The following ZNF248 variants were observed in gnomAD, a reference collection of about 807,000 sequenced individuals.
The protein encoded by ZNF248 is KRAB protein domain.
In ZNF248, 20 loss-of-function variants were observed where a neutral mutation model predicts 44.3. The ratio of observed to expected loss-of-function variants is 0.45; its 90% CI spans 0.32 to 0.66. The LOEUF (loss-of-function observed/expected upper bound fraction) is 0.66, where lower values mean the gene tolerates loss of function less well. ZNF248 is among the 30% of genes least tolerant of loss of function. The pLI, the probability that ZNF248 is intolerant of heterozygous loss-of-function variation, is 0.04. For synonymous variants in ZNF248, 224 were observed against 229.0 expected, an observed-to-expected ratio of 0.98 and a Z score of 0.20; for missense variants, 654 against 677.0, an observed-to-expected ratio of 0.97 and a Z score of 0.38.
At chr10:37,760,382 C>A in the ZNF248 span, among the ~76,000 whole-genome samples, 1 of 152,118 alleles carries the variant, frequency 6.6e-6, no homozygotes, top group African/African-American at 2.4e-5. Flanking sequence ...AGGCACAAGC[C>A]ACCAGGCCCA....
chr10:37,791,061 T>TTA (rs2048488701), intron 6 of ZNF248, among the ~76,000 whole-genome samples: 1 of 124,360 alleles, frequency 8.0e-6, no homozygotes, highest in Non-Finnish European at 1.7e-5. Context: ...TTTTTTTTTT[T>TTA]TTTTTTTTTT....
chr10:37,760,881 G>T, the ZNF248 span, among the ~76,000 whole-genome samples: 1 of 152,298 alleles, frequency 6.6e-6, no homozygotes, highest in East Asian at 1.9e-4. Context: ...ATTACCTTTT[G>T]TATGAGCACA....
At chr10:37,778,825 AG>A (rs2046929571) in intron 6 of ZNF248, among the ~76,000 whole-genome samples, 1 of 152,228 alleles carries the variant, frequency 6.6e-6, no homozygotes, top group Admixed American at 6.5e-5. Context: ...AAAATGATAA[AG>A]GGGATATCAC....
intron 3 of ZNF248, among the ~76,000 whole-genome samples, chr10:37,843,646 T>C (rs932523347): frequency 6.6e-6 from 1 of 152,034 alleles, no homozygotes; most frequent in Admixed American, 6.5e-5. Flanking sequence ...TTAAATAAAT[T>C]AAGTGTCATC....
chr10:37,832,931 A>G lies in ZNF248; in HGVS notation c.424T>C (p.Ser142Pro), dbSNP rs774983271. The G allele has an allele frequency of 6.2e-6, 10 of 1,613,216 alleles. No homozygotes were observed. In the Admixed American group the frequency reaches 1.3e-4, roughly 22 times the overall value. ...LRNYPYKICDSCEMNLKNISG... is the reference protein window; with the variant it reads ...LRNYPYKICDPCEMNLKNISG... Reference sequence around the variant, plus strand: ...ATATTTTTCAAATTCATTTCACATGAGTCACATATTTTATAGGGATAATTT... The same window carrying G: ...ATATTTTTCAAATTCATTTCACATGGGTCACATATTTTATAGGGATAATTT... The change falls in exon 6 of 6, where the codon TCA becomes CCA. Residue 142 changes from serine to proline, a missense_variant. Physicochemically the swap from Ser to Pro is moderately conservative, Grantham distance 74. Transcript: ENST00000395867.
chr10:37,827,745 G>A (rs142817851), downstream of ZNF248, among the ~76,000 whole-genome samples: 1,706 of 152,296 alleles, frequency 0.011, 19 homozygotes, highest in Non-Finnish European at 0.019. Context: ...ACGGTCTCTG[G>A]TTGCCAGAAG....
chr10:37,829,006 C>A lies in ZNF248; in HGVS notation c.*2609G>T. 1 of 985,428 alleles carries A rather than the reference C, an allele frequency of 1.0e-6. No individual in the cohort carries two copies. The allele number at this position is 985,428 out of a possible 1,614,324, so 61.0% of individuals were successfully genotyped here. On this transcript the variant is annotated 3_prime_UTR_variant, in exon 6 of 6. Coordinates refer to ENST00000395867, the MANE Select transcript of ZNF248 (RefSeq NM_021045.3). ...GAATAACTTTATTTCTAACACTGAG[C>A]CTTCTACATAGGAATTTACAGAAAT...
chr10:37,830,522 T>C lies in ZNF248; in HGVS notation c.*1093A>G, dbSNP rs1225654404. 1.0e-6 allele frequency: 1 copy of C among 985,334 alleles called. No individual in the cohort carries two copies. Among genetic ancestry groups the C allele is most frequent in the African/African-American group, 1.7e-5 (1 of 57,240 alleles). The allele number at this position is 985,334 out of a possible 1,614,324, so 61.0% of individuals were successfully genotyped here. On this transcript the variant is annotated 3_prime_UTR_variant, in exon 6 of 6. Coordinates refer to ENST00000395867, the MANE Select transcript of ZNF248 (RefSeq NM_021045.3). ...TTGGCTTCTTTCTTGAAGACGTGGT[T>C]CAGCTGTAAATGGCCATAGCCATTT...
At chr10:37,811,331 A>G (rs2051454474) in intron 6 of ZNF248, among the ~76,000 whole-genome samples, 1 of 152,230 alleles carries the variant, frequency 6.6e-6, no homozygotes, top group African/African-American at 2.4e-5. Flanking sequence ...CATATTGAAA[A>G]TGCAGTTTTT....
intron 3 of ZNF248, among the ~76,000 whole-genome samples, chr10:37,853,811 T>G (rs1177739455): frequency 1.3e-5 from 2 of 151,944 alleles, no homozygotes; most frequent in Non-Finnish European, 2.9e-5. Context: ...AAATGACGAA[T>G]CTGTCACCAA....
In ZNF248 at chr10:37,829,457, C is replaced by A. The variant is rs1480597005; in HGVS notation, c.*2158G>T. 12 of 985,262 alleles carry A rather than the reference C, an allele frequency of 1.2e-5. No homozygotes were observed. Among genetic ancestry groups the A allele is most frequent in the African/African-American group, 1.7e-5 (1 of 57,234 alleles). The allele number at this position is 985,262 out of a possible 1,614,324, so 61.0% of individuals were successfully genotyped here. On this transcript the variant is annotated 3_prime_UTR_variant, in exon 6 of 6. Coordinates refer to ENST00000395867, the MANE Select transcript of ZNF248 (RefSeq NM_021045.3). Reference sequence around the variant, plus strand: ...TATTAACTTGTGAAAAGAAATAATTCTTCCCCCTAATTACCATATAGAACA... The same window carrying A: ...TATTAACTTGTGAAAAGAAATAATTATTCCCCCTAATTACCATATAGAACA...
rs540518481 is a variant in ZNF248, at chr10:37,787,312, CATAAATAA to C, written c.331-10745_331-10738del. Among the ~76,000 whole-genome samples, 61 of 151,628 alleles carry C rather than the reference CATAAATAA, an allele frequency of 4.0e-4. 2 individuals are homozygous for C. The highest frequency in any genetic ancestry group is 1.3e-3 in the African/African-American group (53 of 41,390). ...AAAAATAATAATAATAAGTAAAATA[CATAAATAA>C]ATAAATAAAGTATACTATAAAGTTA... is the stretch of plus-strand genomic sequence containing the variant. On this transcript the variant is annotated intron_variant, in intron 6 of 6. Transcript: ENST00000615949.
rs1277164409 is a variant in ZNF248, at chr10:37,857,265, C to CATA, written c.-209_-207dup. 6.6e-6 allele frequency: 1 copy of CATA among 152,516 alleles called. No individual in the cohort carries two copies. The highest frequency in any genetic ancestry group is 6.5e-5 in the Admixed American group (1 of 15,278). 9.4% of individuals were successfully genotyped at this position (152,516 alleles called of 1,614,324 possible). ...TTCAGGATACTGTGCCATGATTACA[C>CATA]ATAATACATAAGCGAACGCGAAACG... On this transcript the variant is annotated 5_prime_UTR_variant, in exon 1 of 6. In the 5' UTR this introduces an upstream ATG that the reference lacks. Coordinates refer to ENST00000395867, the MANE Select transcript of ZNF248 (RefSeq NM_021045.3).
the ZNF248 span, among the ~76,000 whole-genome samples, chr10:37,771,055 A>C: frequency 1.3e-5 from 2 of 152,356 alleles, no homozygotes; most frequent in African/African-American, 4.8e-5. Context: ...AGAAATGCAA[A>C]TCAAAACCAC....
rs1208729 is a variant in ZNF248, at chr10:37,830,145, C to G, written c.*1470G>C. 0.079 allele frequency: 77,584 copies of G among 985,336 alleles called. 3,259 individuals are homozygous for G. The highest frequency in any genetic ancestry group is 0.086 in the Non-Finnish European group (71,520 of 829,908). 61.0% of individuals were successfully genotyped at this position (985,336 alleles called of 1,614,324 possible). ...TGAAAAATCAAGGATATCAAAAGGG[C>G]CTTTCATTACATACCGCCACTTTTT... On this transcript the variant is annotated 3_prime_UTR_variant, in exon 6 of 6. Transcript: ENST00000395867.
rs1426132151 is a variant in ZNF248 at position 37,800,539 on chromosome 10, T to C, written c.331-23964A>G. On this transcript the variant is annotated intron_variant, in intron 6 of 6. Coordinates refer to the ZNF248 transcript ENST00000615949. ...TACTGTTGATTGATATTTAGGTTGA[T>C]TCCATGTCTTTGCTATTGTGAATAG... Among the ~76,000 whole-genome samples, 4 of 152,196 alleles carry C rather than the reference T, an allele frequency of 2.6e-5. No homozygotes were observed. The East Asian group carries it at 7.7e-4, about 29-fold the overall frequency.
chr10:37,845,531 T>C lies in ZNF248; in HGVS notation c.16-7420A>G, dbSNP rs558238725. On this transcript the variant is annotated intron_variant, in intron 3 of 5. Transcript: ENST00000395867. ...CCAAAACATTATGAAAAGACAACTT[T>C]AAAGTAAAAGGAAAAAACAAAAACT... Among the ~76,000 whole-genome samples the C allele has an allele frequency of 1.2e-4, 19 of 152,038 alleles. No homozygotes were observed. The South Asian group carries it at 3.7e-3, about 30-fold the overall frequency.
chr10:37,851,606 T>C (rs974773347), intron 3 of ZNF248, among the ~76,000 whole-genome samples: 41 of 151,698 alleles, frequency 2.7e-4, no homozygotes, highest in African/African-American at 9.2e-4. Flanking sequence ...CTATCTCTTG[T>C]TACAGGGGTT....
At chr10:37,803,931 T>G (rs2050149435) in intron 6 of ZNF248, 1 of 152,660 alleles carries the variant, frequency 6.6e-6, no homozygotes, top group Non-Finnish European at 1.5e-5. Flanking sequence ...TGAAGGCACA[T>G]CAGTTCTCAA....
Sources: allele counts gnomAD v4.1 joint callset (sites outside exome capture counted in the v4.1 genomes callset), GRCh38; gene constraint gnomAD v4.1.1; transcripts MANE v1.5; gene names NCBI Gene and HGNC (gene_info 2026-07-23, HGNC 2026-07-21).